The following MINDY3 variants were observed in gnomAD, a reference collection of about 807,000 sequenced individuals.
MINDY3 encodes the protein ubiquitin carboxyl-terminal hydrolase MINDY-3.
In MINDY3, 38 loss-of-function variants were observed where a neutral mutation model predicts 69.2. The ratio of observed to expected loss-of-function variants is 0.55; its 90% CI spans 0.42 to 0.72. The LOEUF (loss-of-function observed/expected upper bound fraction) is 0.72. MINDY3 is among the 30% of genes least tolerant of loss of function. The pLI is 0.00. For missense variants in MINDY3, 522 were observed against 519.0 expected (o/e 1.01, Z -0.06); for synonymous variants, 192 against 180.1 (o/e 1.07, Z -0.53).
chr10:15,797,728 G>A (rs530091153), intron 10 of MINDY3, among the ~76,000 whole-genome samples: 1 of 152,182 alleles, frequency 6.6e-6, no homozygotes, highest in African/African-American at 2.4e-5. Flanking sequence ...TACAGCCTTA[G>A]CTCTATAATT....
At chr10:15,850,489 G>A (rs955776723) in intron 1 of MINDY3, among the ~76,000 whole-genome samples, 4 of 152,128 alleles carry the variant, frequency 2.6e-5, no homozygotes, top group African/African-American at 9.7e-5. Context: ...TGCATTCTCA[G>A]GGGGGAGGTC....
At chr10:15,816,704 T>C (rs1017330287) in intron 10 of MINDY3, 131 bp downstream of exon 10, 43 of 666,202 alleles carry the variant, frequency 6.5e-5, no homozygotes, top group Admixed American at 1.6e-4. Flanking sequence ...TATTAGTTTT[T>C]GAGATTTTTG....
chr10:15,780,568 C>T (rs148847716), intron 14 of MINDY3, among the ~76,000 whole-genome samples: 70 of 152,308 alleles, frequency 4.6e-4, no homozygotes, highest in Non-Finnish European at 9.4e-4. Context: ...CAATCAGGCT[C>T]GGATGCCTGG....
rs760283525 is a variant in MINDY3 at position 15,841,386 on chromosome 10, G to A, written c.409+40C>T. ...ATTCAATAGATTCATTAAAACAAAGGAACAAGAAAAAAACTTCAGGAAATA... is the reference window on the plus strand; with the variant it reads ...ATTCAATAGATTCATTAAAACAAAGAAACAAGAAAAAAACTTCAGGAAATA... On this transcript the variant is annotated intron_variant, in intron 4 of 14. Coordinates refer to ENST00000277632, the MANE Select transcript of MINDY3 (RefSeq NM_024948.4). 14 of 1,507,232 alleles carry A rather than the reference G, an allele frequency of 9.3e-6. No individual in the cohort carries two copies. The African/African-American group carries it at 1.7e-4, about 18-fold the overall frequency. 93.4% of individuals were successfully genotyped at this position (1,507,232 alleles called of 1,614,324 possible).
Position 15,789,306 on chromosome 10 carries a change from T to C in MINDY3, c.969A>G (p.Ile323Met), listed in dbSNP as rs907338107. Reference sequence around the variant, plus strand: ...TCACATCTTCCAGAAGTGAATCGGGTATGAATCCATTATCTAGGGGGGAAA... The same window carrying C: ...TCACATCTTCCAGAAGTGAATCGGGCATGAATCCATTATCTAGGGGGGAAA... ...QTYDPEDNGF[I>M]PDSLLEDVMK... The change falls in exon 12 of 15, where the codon ATA becomes ATG. Residue 323 changes from isoleucine (I) to methionine (M), a missense_variant. By Grantham distance (10) the Ile-to-Met change is conservative. Coordinates refer to ENST00000277632, the MANE Select transcript of MINDY3 (RefSeq NM_024948.4). 1.2e-6 allele frequency: 2 copies of C among 1,611,102 alleles called. No individual in the cohort carries two copies. Among genetic ancestry groups the C allele is most frequent in the Non-Finnish European group, 1.7e-6 (2 of 1,178,098 alleles).
At chr10:15,788,915 T>A (rs1837193975) in intron 12 of MINDY3, 1 of 184,382 alleles carries the variant, frequency 5.4e-6, no homozygotes, top group Admixed American at 5.5e-5. Flanking sequence ...CACAGAACCG[T>A]CATTACTTTA....
chr10:15,835,917 T>TA (rs1678535924), intron 6 of MINDY3, among the ~76,000 whole-genome samples: 1 of 152,094 alleles, frequency 6.6e-6, no homozygotes, highest in Non-Finnish European at 1.5e-5. Context: ...ACTCTAGTCT[T>TA]ATATTACAAA....
intron 10 of MINDY3, among the ~76,000 whole-genome samples, chr10:15,799,014 GAGTAAATTTTTAT>G (rs1056793656): frequency 2.6e-5 from 4 of 152,104 alleles, no homozygotes; most frequent in Middle Eastern, 3.4e-3. Context: ...ATGGGCCACA[GAGTAAATTTTTAT>G]AGTAAATTTT....
chr10:15,849,460 T>C (rs1834116684), intron 1 of MINDY3, among the ~76,000 whole-genome samples: 2 of 151,768 alleles, frequency 1.3e-5, no homozygotes, highest in East Asian at 1.9e-4. Flanking sequence ...TTTTTTTTTT[T>C]CTTTTTCCTT....
intron 8 of MINDY3, among the ~76,000 whole-genome samples, chr10:15,829,032 C>A (rs1840280570): frequency 6.6e-6 from 1 of 152,076 alleles, no homozygotes; most frequent in Admixed American, 6.5e-5. Context: ...CACTGGCCCA[C>A]AGAAAAAATT....
At chr10:15,791,960 G>A (rs992098752) in intron 11 of MINDY3, among the ~76,000 whole-genome samples, 1 of 152,018 alleles carries the variant, frequency 6.6e-6, no homozygotes, top group Non-Finnish European at 1.5e-5. Flanking sequence ...GCCAAATGTT[G>A]GATACTCAAA....
intron 1 of MINDY3, among the ~76,000 whole-genome samples, chr10:15,853,580 G>C (rs76787948): frequency 6.6e-6 from 1 of 152,126 alleles, no homozygotes; most frequent in East Asian, 1.9e-4. Context: ...ATTGTATCTT[G>C]ATCTTGAATA....
chr10:15,829,869 A>C (rs1840339567), intron 8 of MINDY3, among the ~76,000 whole-genome samples: 1 of 152,202 alleles, frequency 6.6e-6, no homozygotes, highest in African/African-American at 2.4e-5. Flanking sequence ...AAGAAAACCG[A>C]GGCTCAGATA....
At chr10:15,807,093 C>T (rs1472401654) in intron 10 of MINDY3, among the ~76,000 whole-genome samples, 3 of 152,200 alleles carry the variant, frequency 2.0e-5, no homozygotes, top group South Asian at 2.1e-4. Context: ...GAAAACGGCA[C>T]GCAGCTCACA....
intron 10 of MINDY3, among the ~76,000 whole-genome samples, chr10:15,800,082 G>C (rs1164420312): frequency 6.6e-6 from 1 of 152,004 alleles, no homozygotes; most frequent in African/African-American, 2.4e-5. Context: ...AAATATATTG[G>C]AAATTTTTCT....
At chr10:15,826,281 T>A (rs1035362648) in intron 8 of MINDY3, among the ~76,000 whole-genome samples, 2 of 152,144 alleles carry the variant, frequency 1.3e-5, no homozygotes, top group Non-Finnish European at 1.5e-5. Context: ...AATATCACAC[T>A]AGCCCCTGTG....
intron 9 of MINDY3, chr10:15,817,330 T>G (rs773577593): frequency 6.5e-6 from 1 of 154,360 alleles, no homozygotes; most frequent in Admixed American, 6.5e-5. Flanking sequence ...TGAGTAGATT[T>G]ATGAATAATC....
In MINDY3 at chr10:15,786,062, G is replaced by T. The variant is rs151170610; in HGVS notation, c.1116+499C>A. Among the ~76,000 whole-genome samples, 75 of 152,274 alleles carry T rather than the reference G, an allele frequency of 4.9e-4. 1 individual carries two copies. Among genetic ancestry groups the T allele is most frequent in the African/African-American group, 1.7e-3 (70 of 41,560 alleles). ...ACTCAAAAACATTCAGGTTGGCCCAGATGCCTCTGCTATTCCAGGTAACTG... is the reference window on the plus strand; with the variant it reads ...ACTCAAAAACATTCAGGTTGGCCCATATGCCTCTGCTATTCCAGGTAACTG... On this transcript the variant is annotated intron_variant, in intron 13 of 14. Coordinates refer to ENST00000277632, the MANE Select transcript of MINDY3 (RefSeq NM_024948.4).
intron 13 of MINDY3, among the ~76,000 whole-genome samples, chr10:15,782,905 A>G (rs1275524990): frequency 6.6e-6 from 1 of 152,218 alleles, no homozygotes; most frequent in Non-Finnish European, 1.5e-5. Flanking sequence ...TTAGCTAAAG[A>G]TCACGTTCAA....
Sources: gnomAD v4.1 joint callset for allele counts (sites outside exome capture counted in the v4.1 genomes callset) on GRCh38, gnomAD v4.1.1 for gene constraint, MANE v1.5 for transcripts, NCBI Gene and HGNC (gene_info 2026-07-23, HGNC 2026-07-21) for gene names.